The following ATP13A4 variants were observed in gnomAD, a reference collection of about 807,000 sequenced individuals.
ATP13A4 encodes the protein ATPase 13A4, also known as probable cation-transporting ATPase 13A4.
Under a neutral mutation model 142.5 loss-of-function variants are expected in ATP13A4, and 114 were observed. The observed-to-expected ratio is 0.80, with a 90% CI of 0.69 to 0.93. The LOEUF is 0.93. ATP13A4 is among the 40% of genes least tolerant of loss of function. The pLI is 0.00. For missense variants in ATP13A4, 1,392 were observed against 1,454.0 expected, an observed-to-expected ratio of 0.96 and a Z score of 0.69; for synonymous variants, 488 against 514.8, an observed-to-expected ratio of 0.95 and a Z score of 0.70.
intron 8 of ATP13A4, among the ~76,000 whole-genome samples, chr3:193,481,131 T>C (rs1417302927): frequency 6.6e-6 from 1 of 151,764 alleles, no homozygotes; most frequent in African/African-American, 2.4e-5. Flanking sequence ...GGGGAAAGGG[T>C]GGAAGGGGAG....
intron 2 of ATP13A4, among the ~76,000 whole-genome samples, chr3:193,503,775 C>T (rs1720693073): frequency 6.6e-6 from 1 of 152,148 alleles, no homozygotes; most frequent in African/African-American, 2.4e-5. Context: ...CTTTACATGG[C>T]TGGATTCTAC....
At chr3:193,550,552 C>T (rs757869873) in intron 1 of ATP13A4, among the ~76,000 whole-genome samples, 6 of 152,132 alleles carry the variant, frequency 3.9e-5, no homozygotes, top group African/African-American at 1.2e-4. Flanking sequence ...GCAATCTGCA[C>T]GCCTCAGCCT....
Position 193,400,251 on chromosome 3 carries a change from A to T in ATP13A4, c.*2401T>A, listed in dbSNP as rs565243392. On this transcript the variant is annotated 3_prime_UTR_variant, in exon 30 of 30. Coordinates refer to ENST00000342695, the MANE Select transcript of ATP13A4 (RefSeq NM_032279.4). Reference sequence around the variant, plus strand: ...AAGATGTAGTTAATCCCAGGAATACAGTCTTCAAAATGAGTCTCTTTTCCC... The same window carrying T: ...AAGATGTAGTTAATCCCAGGAATACTGTCTTCAAAATGAGTCTCTTTTCCC... 6.6e-6 allele frequency among the ~76,000 whole-genome samples: 1 copy of T among 152,220 alleles called. No individual in the cohort carries two copies. The highest frequency in any genetic ancestry group is 1.5e-5 in the Non-Finnish European group (1 of 68,044).
At chr3:193,562,687 C>T (rs150988725) in intron 2 of ATP13A4, among the ~76,000 whole-genome samples, 6,546 of 152,088 alleles carry the variant, frequency 0.043, 184 homozygotes, top group Non-Finnish European at 0.061. Flanking sequence ...CTGGCTAACA[C>T]GATGAAACCC....
chr3:193,546,573 G>A (rs1444357851), intron 1 of ATP13A4, among the ~76,000 whole-genome samples: 1 of 152,170 alleles, frequency 6.6e-6, no homozygotes. Context: ...GTTAAAGAGA[G>A]GTGAAGTGCT....
chr3:193,424,166 GA>G (rs71179304), intron 25 of ATP13A4, among the ~76,000 whole-genome samples: 24,951 of 148,212 alleles, frequency 0.17, 2,941 homozygotes, highest in South Asian at 0.25. Flanking sequence ...AAACACTGGT[GA>G]AAAAAAATGG....
intron 1 of ATP13A4, among the ~76,000 whole-genome samples, chr3:193,554,040 T>G (rs137918594): frequency 6.6e-6 from 1 of 152,228 alleles, no homozygotes; most frequent in Non-Finnish European, 1.5e-5. Context: ...CTTGATTATA[T>G]TGTAATTGAG....
intron 25 of ATP13A4, among the ~76,000 whole-genome samples, chr3:193,429,985 T>G (rs899986797): frequency 6.6e-6 from 1 of 152,210 alleles, no homozygotes; most frequent in Non-Finnish European, 1.5e-5. Context: ...AGTGAATATA[T>G]GTTAACAACA....
chr3:193,561,589 T>C (rs1724018330), intron 2 of ATP13A4, among the ~76,000 whole-genome samples: 1 of 152,144 alleles, frequency 6.6e-6, no homozygotes, highest in Non-Finnish European at 1.5e-5. Context: ...AAACTGGTAA[T>C]GGGAAATGTT....
intron 1 of ATP13A4, among the ~76,000 whole-genome samples, chr3:193,519,653 T>A (rs943242215): frequency 7.8e-6 from 1 of 127,808 alleles, no homozygotes; most frequent in Non-Finnish European, 1.7e-5. Flanking sequence ...TTTTTTTTTT[T>A]TTTTAGACAG....
intron 2 of ATP13A4, among the ~76,000 whole-genome samples, chr3:193,562,175 C>T (rs1457513729): frequency 1.3e-5 from 2 of 152,018 alleles, no homozygotes; most frequent in East Asian, 1.9e-4. Context: ...CGGAGAGCTA[C>T]CAAACCCAGA....
intron 8 of ATP13A4, among the ~76,000 whole-genome samples, chr3:193,482,953 A>C (rs1172653713): frequency 6.6e-6 from 1 of 152,230 alleles, no homozygotes; most frequent in East Asian, 1.9e-4. Flanking sequence ...AATGATCATA[A>C]CACCATTCCT....
intron 17 of ATP13A4, among the ~76,000 whole-genome samples, chr3:193,450,513 G>C (rs1266157854): frequency 6.6e-6 from 1 of 152,172 alleles, no homozygotes; most frequent in East Asian, 1.9e-4. Context: ...GTCCAAATCC[G>C]AGTCCCATGG....
chr3:193,518,601 T>A (rs374262591), intron 1 of ATP13A4, among the ~76,000 whole-genome samples: 45 of 152,280 alleles, frequency 3.0e-4, no homozygotes, highest in African/African-American at 1.1e-3. Flanking sequence ...AGCACATTAT[T>A]ATAAAGAACT....
intron 2 of ATP13A4, among the ~76,000 whole-genome samples, chr3:193,504,707 A>G (rs954090794): frequency 2.6e-5 from 4 of 152,158 alleles, no homozygotes; most frequent in African/African-American, 9.7e-5. Context: ...TGGAACTTCT[A>G]AAAAACATAG....
chr3:193,487,308 A>T (rs955955542), intron 7 of ATP13A4, among the ~76,000 whole-genome samples: 7 of 152,214 alleles, frequency 4.6e-5, no homozygotes, highest in African/African-American at 1.4e-4. Context: ...AATAAAAATT[A>T]ATAAAGGACT....
At chr3:193,589,931 G>A (rs555924365) in intron 1 of ATP13A4, among the ~76,000 whole-genome samples, 16 of 142,206 alleles carry the variant, frequency 1.1e-4, no homozygotes, top group African/African-American at 4.0e-4. Context: ...AATTTTACTT[G>A]CCTACTTGCA....
chr3:193,553,195 A>G (rs1173790626), intron 1 of ATP13A4: 1 of 152,218 alleles, frequency 6.6e-6, no homozygotes, highest in African/African-American at 2.4e-5. Context: ...TGCATACAAA[A>G]CTACGTGGAG....
chr3:193,407,367 C>T lies in ATP13A4; in HGVS notation c.3324G>A (p.Arg1108=), dbSNP rs770322704. ...AGCTGAGCATGATGACAATGGAGGC[C>T]CTCCACAGGACGGGAGTGCAGAGCA... ...LDLLCTPVLW[R]ASIVIMLSLN... The change falls in exon 29 of 30, where the codon AGG becomes AGA. Residue 1108 remains arginine, a synonymous_variant. Coordinates refer to ENST00000342695, the MANE Select transcript of ATP13A4 (RefSeq NM_032279.4). 57 of 1,613,478 alleles carry T rather than the reference C, an allele frequency of 3.5e-5. No homozygotes were observed. Among genetic ancestry groups the T allele is most frequent in the East Asian group, 6.7e-5 (3 of 44,878 alleles).
Sources: gnomAD v4.1 joint callset for allele counts (sites outside exome capture counted in the v4.1 genomes callset) on GRCh38, gnomAD v4.1.1 for gene constraint, MANE v1.5 for transcripts, NCBI Gene and HGNC (gene_info 2026-07-23, HGNC 2026-07-21) for gene names.